CNTNAP2: variants seen among roughly 807,000 people sequenced by gnomAD.
CNTNAP2 encodes contactin associated protein 2, also known as contactin-associated protein-like 2.
A neutral mutation model predicts 155.2 loss-of-function variants in CNTNAP2; 98 were observed. That is an observed-to-expected ratio of 0.63 (90% CI 0.54 to 0.75). The LOEUF (loss-of-function observed/expected upper bound fraction) is 0.75, where lower values mean the gene tolerates loss of function less well. CNTNAP2 is among the 30% of genes least tolerant of loss of function. The probability of loss-of-function intolerance (pLI) is 0.00; values close to 1 mark genes in which losing one functional copy is unlikely to be tolerated. For missense variants in CNTNAP2, 1,727 were observed against 1,688.1 expected, an observed-to-expected ratio of 1.02 and a Z score of -0.40; for synonymous variants, 651 against 631.2, an observed-to-expected ratio of 1.03 and a Z score of -0.47.
At chr7:147,755,596 G>C (rs562116109) in intron 13 of CNTNAP2, among the ~76,000 whole-genome samples, 1 of 152,318 alleles carries the variant, frequency 6.6e-6, no homozygotes, top group African/African-American at 2.4e-5. Context: ...AGGTTGCAGA[G>C]AGCCAAAATC....
chr7:146,519,433 A>G (rs901158070), intron 1 of CNTNAP2, among the ~76,000 whole-genome samples: 1 of 151,840 alleles, frequency 6.6e-6, no homozygotes, highest in Admixed American at 6.6e-5. Context: ...TGAATTTTAA[A>G]ATAGCTCTAT....
chr7:147,395,566 T>C, intron 9 of CNTNAP2, 43 bp from the exon 10 acceptor site: 2 of 1,599,086 alleles, frequency 1.3e-6, no homozygotes, highest in Non-Finnish European at 1.7e-6. Context: ...GTGAAGGTTA[T>C]ACTGTACACC....
At chr7:148,168,574 AG>A (rs1445010698) in intron 17 of CNTNAP2, among the ~76,000 whole-genome samples, 5 of 58,524 alleles carry the variant, frequency 8.5e-5, no homozygotes, top group Admixed American at 2.6e-4. Context: ...GGGTGGGGGG[AG>A]GGGGGAGGGA....
chr7:146,584,461 C>T (rs889203980), intron 1 of CNTNAP2, among the ~76,000 whole-genome samples: 2 of 152,214 alleles, frequency 1.3e-5, no homozygotes, highest in Admixed American at 1.3e-4. Flanking sequence ...TAATTTGGAA[C>T]ATGAGCTGGG....
chr7:146,654,154 A>G (rs895089216), intron 1 of CNTNAP2, among the ~76,000 whole-genome samples: 4 of 152,136 alleles, frequency 2.6e-5, no homozygotes, highest in South Asian at 2.1e-4. Context: ...TCTAATAACA[A>G]TGATGGACAC....
chr7:146,680,300 C>A (rs1349995139), intron 1 of CNTNAP2, among the ~76,000 whole-genome samples: 1 of 152,134 alleles, frequency 6.6e-6, no homozygotes, highest in Non-Finnish European at 1.5e-5. Flanking sequence ...AAAACAAAAA[C>A]TCCAGACACC....
At chr7:146,225,453 G>C (rs1184798044) in intron 1 of CNTNAP2, among the ~76,000 whole-genome samples, 1 of 152,082 alleles carries the variant, frequency 6.6e-6, no homozygotes, top group African/African-American at 2.4e-5. Context: ...CAGTCAACTT[G>C]ATTCTAATTA....
At chr7:146,869,676 C>T (rs1001780583) in intron 3 of CNTNAP2, among the ~76,000 whole-genome samples, 6 of 152,196 alleles carry the variant, frequency 3.9e-5, no homozygotes, top group Non-Finnish European at 4.4e-5. Context: ...TGGTATAAGT[C>T]CAAGAGTCCC....
At chr7:146,497,152 C>G (rs1797230981) in intron 1 of CNTNAP2, among the ~76,000 whole-genome samples, 2 of 152,140 alleles carry the variant, frequency 1.3e-5, no homozygotes, top group Admixed American at 1.3e-4. Flanking sequence ...ACCACTTCTA[C>G]TTATTGAATC....
At chr7:146,378,797 A>G (rs777593533) in intron 1 of CNTNAP2, among the ~76,000 whole-genome samples, 1 of 152,258 alleles carries the variant, frequency 6.6e-6, no homozygotes, top group Non-Finnish European at 1.5e-5. Flanking sequence ...ATGAAGGAGT[A>G]AACTTTCTTG....
chr7:148,059,607 A>G (rs1039890517), intron 15 of CNTNAP2, among the ~76,000 whole-genome samples: 48 of 149,338 alleles, frequency 3.2e-4, no homozygotes, highest in Non-Finnish European at 5.9e-5. Context: ...AAAAAAAAAA[A>G]GAAAGAAAGA....
At chr7:147,777,216 A>G (rs1224915631) in intron 13 of CNTNAP2, among the ~76,000 whole-genome samples, 1 of 152,230 alleles carries the variant, frequency 6.6e-6, no homozygotes, top group Non-Finnish European at 1.5e-5. Flanking sequence ...TCTAAAAATT[A>G]TCACATTTGG....
At chr7:146,832,281 A>T (rs909697740) in intron 2 of CNTNAP2, among the ~76,000 whole-genome samples, 1 of 152,100 alleles carries the variant, frequency 6.6e-6, no homozygotes, top group African/African-American at 2.4e-5. Flanking sequence ...AGGTCTTAAA[A>T]TTCATGGTGT....
intron 9 of CNTNAP2, among the ~76,000 whole-genome samples, chr7:147,379,320 G>T (rs1445560387): frequency 6.6e-6 from 1 of 151,930 alleles, no homozygotes; most frequent in Non-Finnish European, 1.5e-5. Flanking sequence ...CCCAAATTTA[G>T]CTGAAATTGA....
At chr7:148,180,301 A>C (rs961741861) in intron 18 of CNTNAP2, among the ~76,000 whole-genome samples, 2 of 151,946 alleles carry the variant, frequency 1.3e-5, no homozygotes, top group African/African-American at 4.8e-5. Flanking sequence ...CAAGAATAGA[A>C]CCCTTTTTTT....
intron 11 of CNTNAP2, among the ~76,000 whole-genome samples, chr7:147,546,326 A>G (rs1584804089): frequency 1.3e-5 from 2 of 152,208 alleles, no homozygotes; most frequent in Admixed American, 1.3e-4. Flanking sequence ...CAGGAAAAAA[A>G]GAAAATGGAA....
intron 22 of CNTNAP2, among the ~76,000 whole-genome samples, chr7:148,390,198 G>A (rs573864343): frequency 1.2e-4 from 19 of 152,280 alleles, no homozygotes; most frequent in East Asian, 5.8e-4. Context: ...CAGGCTCTCC[G>A]GCCATTTTAT....
intron 13 of CNTNAP2, among the ~76,000 whole-genome samples, chr7:147,644,609 G>T (rs1226188456): frequency 1.3e-5 from 2 of 152,136 alleles, no homozygotes; most frequent in African/African-American, 4.8e-5. Context: ...GCGATAGAGC[G>T]AGACTCTGTC....
At chr7:147,209,286 C>T (rs1803087887) in intron 8 of CNTNAP2, among the ~76,000 whole-genome samples, 1 of 151,876 alleles carries the variant, frequency 6.6e-6, no homozygotes. Context: ...GTGTTTTGTC[C>T]TTCTCCTGGT....
Sources: gnomAD v4.1 joint callset for allele counts (sites outside exome capture counted in the v4.1 genomes callset) on GRCh38, gnomAD v4.1.1 for gene constraint, MANE v1.5 for transcripts, NCBI Gene and HGNC (gene_info 2026-07-23, HGNC 2026-07-21) for gene names.